OPCML: variants seen among roughly 807,000 people sequenced by gnomAD.
The protein encoded by OPCML is opioid binding protein/cell adhesion molecule like, also known as opioid-binding protein/cell adhesion molecule.
OPCML carries 13 observed loss-of-function variants against 37.8 expected under a neutral mutation model. The ratio of observed to expected loss-of-function variants is 0.34; its 90% CI spans 0.22 to 0.55. OPCML has a LOEUF of 0.55. Among genes scored for constraint, OPCML ranks in the 20% least tolerant of loss-of-function variants. The pLI, the probability that OPCML is intolerant of heterozygous loss-of-function variation, is 0.91. For missense variants in OPCML, 341 were observed against 435.6 expected, an observed-to-expected ratio of 0.78 and a Z score of 1.93; for synonymous variants, 176 against 168.8, an observed-to-expected ratio of 1.04 and a Z score of -0.33.
chr11:132,423,706 T>G (rs529488334), intron 7 of OPCML, among the ~76,000 whole-genome samples: 14 of 152,338 alleles, frequency 9.2e-5, no homozygotes, highest in African/African-American at 2.9e-4. Flanking sequence ...TGCTTTAATA[T>G]AAAAGTGATG....
chr11:133,393,102 A>C (rs1173905989), intron 1 of OPCML, among the ~76,000 whole-genome samples: 1 of 150,356 alleles, frequency 6.7e-6, no homozygotes, highest in Non-Finnish European at 1.5e-5. Flanking sequence ...CTACATATAG[A>C]TCTAAGTCCT....
intron 2 of OPCML, among the ~76,000 whole-genome samples, chr11:132,873,714 A>AC (rs1317155290): frequency 2.0e-4 from 19 of 93,454 alleles, no homozygotes; most frequent in Non-Finnish European, 3.6e-4. Context: ...GCAGTTGGGC[A>AC]CAAAAAAAAA....
intron 1 of OPCML, among the ~76,000 whole-genome samples, chr11:133,394,171 C>T (rs1436009446): frequency 2.0e-5 from 3 of 152,192 alleles, no homozygotes; most frequent in Non-Finnish European, 2.9e-5. Flanking sequence ...CTTCTGGTCT[C>T]GCAGGCTCAT....
At chr11:133,256,299 T>G (rs1444039383) in intron 1 of OPCML, among the ~76,000 whole-genome samples, 1 of 152,242 alleles carries the variant, frequency 6.6e-6, no homozygotes, top group East Asian at 1.9e-4. Flanking sequence ...CTCTCTGTGC[T>G]TCAGTTTTCT....
At chr11:132,882,230 CA>C (rs1943248287) in intron 2 of OPCML, among the ~76,000 whole-genome samples, 1 of 152,100 alleles carries the variant, frequency 6.6e-6, no homozygotes, top group Non-Finnish European at 1.5e-5. Flanking sequence ...CAAGTGTAAA[CA>C]AAAAATGAAC....
chr11:132,597,059 C>T lies in OPCML; in HGVS notation c.379+60028G>A, dbSNP rs530630264. Among the ~76,000 whole-genome samples, 72 of 152,260 alleles carry T rather than the reference C, an allele frequency of 4.7e-4. No homozygotes were observed. In the South Asian group the frequency reaches 0.01, roughly 21 times the overall value. On this transcript the variant is annotated intron_variant, in intron 3 of 7. Transcript: ENST00000524381. ...AAATAGCATTTATTGAGACACTATC[C>T]TTTTGGCTAAATATAGAACACAAGA...
intron 2 of OPCML, among the ~76,000 whole-genome samples, chr11:132,676,086 G>C (rs76554391): frequency 0.023 from 3,446 of 152,228 alleles, 136 homozygotes; most frequent in African/African-American, 0.078. Flanking sequence ...CTGGCATAAA[G>C]ATAAACATAT....
At chr11:132,889,259 C>T (rs547732264) in intron 2 of OPCML, among the ~76,000 whole-genome samples, 9 of 152,164 alleles carry the variant, frequency 5.9e-5, no homozygotes, top group South Asian at 2.1e-4. Flanking sequence ...TCTGTTCTTA[C>T]GTTAAAACAC....
intron 2 of OPCML, among the ~76,000 whole-genome samples, chr11:132,666,738 A>T (rs115066213): frequency 6.6e-6 from 1 of 152,186 alleles, no homozygotes; most frequent in East Asian, 1.9e-4. Context: ...TCTGGGATTG[A>T]GGTTGACTCA....
intron 4 of OPCML, among the ~76,000 whole-genome samples, chr11:132,467,396 A>C (rs954828351): frequency 6.6e-6 from 1 of 152,212 alleles, no homozygotes; most frequent in Non-Finnish European, 1.5e-5. Flanking sequence ...AAAATGCTGA[A>C]GTTTTCTTTT....
chr11:132,576,042 C>T (rs2137596644), intron 3 of OPCML, among the ~76,000 whole-genome samples: 1 of 152,084 alleles, frequency 6.6e-6, no homozygotes, highest in African/African-American at 2.4e-5. Flanking sequence ...AAGGAATTCC[C>T]TTGTATGTAA....
intron 3 of OPCML, among the ~76,000 whole-genome samples, chr11:132,537,788 T>C (rs369615164): frequency 1.3e-5 from 2 of 152,284 alleles, no homozygotes; most frequent in South Asian, 2.1e-4. Context: ...GAAGATATAC[T>C]AATCGCCAAT....
chr11:133,077,008 C>T (rs1948630669), intron 1 of OPCML, among the ~76,000 whole-genome samples: 1 of 152,180 alleles, frequency 6.6e-6, no homozygotes, highest in Middle Eastern at 3.4e-3. Flanking sequence ...TATTTTGCTG[C>T]CCCCCATCTA....
At chr11:133,121,812 C>T (rs1480340706) in intron 1 of OPCML, among the ~76,000 whole-genome samples, 1 of 152,132 alleles carries the variant, frequency 6.6e-6, no homozygotes, top group East Asian at 1.9e-4. Context: ...TCCTTAAGAC[C>T]TTCTAAAATA....
intron 4 of OPCML, among the ~76,000 whole-genome samples, chr11:132,445,577 G>A (rs1161309925): frequency 6.6e-6 from 1 of 152,174 alleles, no homozygotes; most frequent in Non-Finnish European, 1.5e-5. Context: ...TCATCCCTGG[G>A]GGGTCATGAG....
intron 1 of OPCML, chr11:133,118,239 G>T: frequency 2.0e-6 from 2 of 985,300 alleles, no homozygotes; most frequent in Non-Finnish European, 2.4e-6. Context: ...TGACATAGCT[G>T]GGATATATGT....
At chr11:132,562,529 C>G (rs2096412834) in intron 3 of OPCML, among the ~76,000 whole-genome samples, 1 of 152,108 alleles carries the variant, frequency 6.6e-6, no homozygotes, top group African/African-American at 2.4e-5. Context: ...TAAAGCAGAA[C>G]TGCAACTGAT....
intron 4 of OPCML, among the ~76,000 whole-genome samples, chr11:132,510,053 G>T (rs754155047): frequency 6.6e-6 from 1 of 152,226 alleles, no homozygotes; most frequent in Non-Finnish European, 1.5e-5. Context: ...AAGACCATGG[G>T]AACCCACCTC....
intron 4 of OPCML, among the ~76,000 whole-genome samples, chr11:132,520,702 G>GTGTGTGTGTA (rs150655288): frequency 0.057 from 8,472 of 149,566 alleles, 521 homozygotes; most frequent in African/African-American, 0.15. Flanking sequence ...GTGTGTGTGT[G>GTGTGTGTGTA]TATGCATATA....
Sources: allele counts gnomAD v4.1 joint callset (sites outside exome capture counted in the v4.1 genomes callset), GRCh38; gene constraint gnomAD v4.1.1; transcripts MANE v1.5; gene names NCBI Gene and HGNC (gene_info 2026-07-23, HGNC 2026-07-21).